FAM168A: variants seen among roughly 807,000 people sequenced by gnomAD.
FAM168A encodes protein FAM168A.
FAM168A carries 3 observed loss-of-function variants against 28.5 expected under a neutral mutation model. The observed-to-expected ratio is 0.11, with a 90% CI of 0.05 to 0.27. FAM168A has a LOEUF of 0.27. Ranked by LOEUF, FAM168A falls within the 10% of genes least tolerant of loss-of-function variation. The probability of loss-of-function intolerance (pLI) is 1.00; values close to 1 mark genes in which losing one functional copy is unlikely to be tolerated. For missense variants in FAM168A, 222 were observed against 311.5 expected, an observed-to-expected ratio of 0.71 and a Z score of 2.16; for synonymous variants, 122 against 124.2, an observed-to-expected ratio of 0.98 and a Z score of 0.12.
intron 1 of FAM168A, among the ~76,000 whole-genome samples, chr11:73,493,409 G>A (rs1854798693): frequency 6.6e-6 from 1 of 152,032 alleles, no homozygotes; most frequent in African/African-American, 2.4e-5. Flanking sequence ...TCTTTTTAAA[G>A]GTTGTTTTGT....
In FAM168A at chr11:73,409,477, C is replaced by T. The variant is rs556827883; in HGVS notation, c.595+10G>A. ...AAAGGGATGGACACTGATGCAGATG[C>T]TGCCCTCACCTGCTGACATTGCCAT... On this transcript the variant is annotated intron_variant, in intron 6 of 7. Coordinates refer to ENST00000356467, the MANE Select transcript of FAM168A (RefSeq NM_015159.3). 3 of 1,613,118 alleles carry T rather than the reference C, an allele frequency of 1.9e-6. No individual in the cohort carries two copies. The highest frequency in any genetic ancestry group is 2.2e-5 in the South Asian group (2 of 90,904).
intron 1 of FAM168A, among the ~76,000 whole-genome samples, chr11:73,495,706 T>A (rs1473855636): frequency 6.6e-6 from 1 of 152,082 alleles, no homozygotes; most frequent in African/African-American, 2.4e-5. Flanking sequence ...AAACACAACT[T>A]AAAACTACAC....
Position 73,409,517 on chromosome 11 carries a change from C to G in FAM168A, c.565G>C (p.Val189Leu). 6.2e-7 allele frequency: 1 copy of G among 1,614,012 alleles called. No homozygotes were observed. Residue 189 changes from valine to leucine, a missense_variant, in exon 6 of 8, where the codon GTG (valine) becomes CTG (leucine). This residue lies in a region of FAM168A where 64 missense variants were observed against 94.6 expected (regional missense o/e 0.68). Transcript: ENST00000356467. Reference sequence around the variant, plus strand: ...GACATTGCCATGGTGGTGCCTGCCACCATGCCCATGGCCACACCGTTGGTC... The same window carrying G: ...GACATTGCCATGGTGGTGCCTGCCAGCATGCCCATGGCCACACCGTTGGTC... ...PRTNGVAMGMVAGTTMAMSAG... is the reference protein window; with the variant it reads ...PRTNGVAMGMLAGTTMAMSAG...
intron 1 of FAM168A, among the ~76,000 whole-genome samples, chr11:73,596,926 T>C (rs1051283591): frequency 3.3e-5 from 5 of 152,056 alleles, no homozygotes; most frequent in South Asian, 2.1e-4. Flanking sequence ...CCAAGGGATA[T>C]TTTCTTCAAG....
intron 1 of FAM168A, among the ~76,000 whole-genome samples, chr11:73,490,156 A>T (rs897100868): frequency 2.6e-5 from 4 of 152,110 alleles, no homozygotes; most frequent in African/African-American, 7.2e-5. Context: ...TCTTTTTCTC[A>T]TACCTTAACA....
intron 1 of FAM168A, among the ~76,000 whole-genome samples, chr11:73,523,809 G>A (rs1037920514): frequency 1.6e-4 from 24 of 151,806 alleles, no homozygotes; most frequent in African/African-American, 5.6e-4. Context: ...AGATAGCACA[G>A]GTAGGAGATA....
At chr11:73,504,974 GA>G (rs1795810216) in intron 1 of FAM168A, among the ~76,000 whole-genome samples, 1 of 152,100 alleles carries the variant, frequency 6.6e-6, no homozygotes, top group African/African-American at 2.4e-5. Context: ...TGGACACAGA[GA>G]GGGGAACAAC....
intron 1 of FAM168A, among the ~76,000 whole-genome samples, chr11:73,485,939 C>T (rs1868047286): frequency 6.6e-6 from 1 of 152,170 alleles, no homozygotes; most frequent in African/African-American, 2.4e-5. Context: ...AAGTTTTCAG[C>T]CCCCGCATTT....
chr11:73,545,008 C>CTATATATAATA lies in FAM168A; in HGVS notation c.-19+52914_-19+52915insTATTATATATA, dbSNP rs1565291923. Among the ~76,000 whole-genome samples the CTATATATAATA allele has an allele frequency of 6.8e-5, 4 of 58,768 alleles. No homozygotes were observed. In the Admixed American group the frequency reaches 7.2e-4, roughly 11 times the overall value. The allele number at this position is 58,768 out of a possible 152,430, so 38.6% of individuals were successfully genotyped here. ...TTTTATATATAGTATATATAATATA[C>CTATATATAATA]TATATATATAGTATATATAATATAT... On this transcript the variant is annotated intron_variant, in intron 1 of 7. Transcript: ENST00000356467.
chr11:73,569,561 T>A (rs144778489), intron 1 of FAM168A, among the ~76,000 whole-genome samples: 8,638 of 152,266 alleles, frequency 0.057, 849 homozygotes, highest in African/African-American at 0.2. Context: ...TGGTGGCTCA[T>A]GCCTGTAATC....
chr11:73,441,534 G>A (rs1867194891), intron 2 of FAM168A, among the ~76,000 whole-genome samples: 3 of 152,216 alleles, frequency 2.0e-5, no homozygotes. Context: ...TGGCCTCATA[G>A]AACGAGTTAG....
At chr11:73,585,816 C>A (rs1944306485) in intron 1 of FAM168A, among the ~76,000 whole-genome samples, 1 of 146,570 alleles carries the variant, frequency 6.8e-6, no homozygotes, top group African/African-American at 2.5e-5. Flanking sequence ...TGCAGTGAGC[C>A]AAGATCATGC....
chr11:73,560,319 T>G (rs986346832), intron 1 of FAM168A, among the ~76,000 whole-genome samples: 7 of 151,754 alleles, frequency 4.6e-5, no homozygotes, highest in South Asian at 4.2e-4. Flanking sequence ...CACCTCAGCC[T>G]CCCAAAGTGC....
rs372124800 is a variant in FAM168A, at chr11:73,475,848, T to C, written c.-18-7356A>G. ...AGAGTGGGCTGATTTAATTTGAAAC[T>C]GAGCATAGAAAATCCAATGCCCAGA... On this transcript the variant is annotated intron_variant, in intron 1 of 7. Transcript: ENST00000356467. 4.6e-5 allele frequency among the ~76,000 whole-genome samples: 7 copies of C among 152,300 alleles called. No individual in the cohort carries two copies. In the South Asian group the frequency reaches 1.4e-3, roughly 32 times the overall value.
At chr11:73,457,723 CAAAAAAA>C (rs58142151) in intron 2 of FAM168A, among the ~76,000 whole-genome samples, 5,090 of 37,704 alleles carry the variant, frequency 0.13, 359 homozygotes, top group African/African-American at 0.24. Context: ...GCCTGGGTGA[CAAAAAAA>C]AAAAAAAAAA....
chr11:73,460,368 C>T (rs1867623053), intron 2 of FAM168A, among the ~76,000 whole-genome samples: 1 of 152,124 alleles, frequency 6.6e-6, no homozygotes, highest in Non-Finnish European at 1.5e-5. Flanking sequence ...AGAGTCTCAT[C>T]TCCTTCCCTT....
chr11:73,481,201 G>T (rs12287163), intron 1 of FAM168A, among the ~76,000 whole-genome samples: 8,566 of 152,178 alleles, frequency 0.056, 846 homozygotes, highest in African/African-American at 0.2. Context: ...CTACAGGCAC[G>T]TGCCACCATG....
At position 73,545,018 on chromosome 11, in the gene FAM168A, AG is replaced by A. The variant is rs370917955; in HGVS notation, c.-19+52904del. 9.0e-3 allele frequency among the ~76,000 whole-genome samples: 680 copies of A among 75,624 alleles called. 81 individuals carry two copies. Among genetic ancestry groups the A allele is most frequent in the African/African-American group, 0.054 (620 of 11,560 alleles). 49.6% of individuals were successfully genotyped at this position (75,624 alleles called of 152,430 possible). ...AGTATATATAATATACTATATATAT[AG>A]TATATATAATATATATATATTTTTT... is the stretch of plus-strand genomic sequence containing the variant. On this transcript the variant is annotated intron_variant, in intron 1 of 7. Coordinates refer to ENST00000356467, the MANE Select transcript of FAM168A (RefSeq NM_015159.3).
intron 1 of FAM168A, among the ~76,000 whole-genome samples, chr11:73,508,203 T>C (rs1855152518): frequency 6.6e-6 from 1 of 152,182 alleles, no homozygotes; most frequent in African/African-American, 2.4e-5. Context: ...CACCTCTAGA[T>C]TGTTTATTAA....
Sources: gnomAD v4.1 joint callset for allele counts (sites outside exome capture counted in the v4.1 genomes callset) on GRCh38, gnomAD v4.1.1 for gene constraint, gnomAD v4.1.1 regional missense constraint, MANE v1.5 for transcripts, NCBI Gene and HGNC (gene_info 2026-07-23, HGNC 2026-07-21) for gene names.